SYNRG: variants seen among roughly 807,000 people sequenced by gnomAD.
SYNRG encodes AP1 gamma subunit binding protein 1.
In SYNRG, 37 loss-of-function variants were observed where a neutral mutation model predicts 130.9. The observed-to-expected ratio is 0.28, with a 90% CI of 0.22 to 0.37. The LOEUF (loss-of-function observed/expected upper bound fraction) is 0.37. Among genes scored for constraint, SYNRG ranks in the 10% least tolerant of loss-of-function variants. The pLI is 1.00. For synonymous variants in SYNRG, 539 were observed against 568.1 expected, an observed-to-expected ratio of 0.95 and a Z score of 0.73; for missense variants, 1,338 against 1,588.9, an observed-to-expected ratio of 0.84 and a Z score of 2.68.
intron 8 of SYNRG, among the ~76,000 whole-genome samples, chr17:37,575,457 TA>T (rs72368334): frequency 0.35 from 52,728 of 151,830 alleles, 9,653 homozygotes; most frequent in East Asian, 0.66. Flanking sequence ...AAATTAAAAA[TA>T]AATTTTTTTT....
chr17:37,541,259 T>TG (rs1246302015), intron 15 of SYNRG: 2 of 985,330 alleles, frequency 2.0e-6, no homozygotes, highest in East Asian at 2.3e-4. Context: ...CGACCCCTCC[T>TG]GTCAGGATGA....
At chr17:37,554,824 T>A (rs933151923) in intron 13 of SYNRG, among the ~76,000 whole-genome samples, 1 of 152,184 alleles carries the variant, frequency 6.6e-6, no homozygotes, top group African/African-American at 2.4e-5. Flanking sequence ...TTTTTATTTA[T>A]TAAAATTCAA....
chr17:37,605,162 A>G (rs1329856710), intron 1 of SYNRG, among the ~76,000 whole-genome samples: 1 of 152,220 alleles, frequency 6.6e-6, no homozygotes, highest in South Asian at 2.1e-4. Context: ...TATAAAAAAC[A>G]CTGTATCTGC....
intron 8 of SYNRG, among the ~76,000 whole-genome samples, chr17:37,574,269 A>G (rs2060644529): frequency 2.0e-5 from 3 of 152,248 alleles, no homozygotes. Context: ...AATGAATTAA[A>G]GATTTAAATC....
chr17:37,533,474 AC>A (rs1156860725), intron 19 of SYNRG, among the ~76,000 whole-genome samples: 1 of 151,876 alleles, frequency 6.6e-6, no homozygotes, highest in East Asian at 1.9e-4. Flanking sequence ...AAAAAATGGA[AC>A]CAGTAACCCT....
intron 6 of SYNRG, 121 bp downstream of exon 6, chr17:37,584,527 T>C (rs2061552254): frequency 1.3e-6 from 1 of 752,656 alleles, no homozygotes. Flanking sequence ...AATCTGTACT[T>C]AGCTTGAAGG....
chr17:37,557,288 G>A (rs1267506688), intron 13 of SYNRG: 5 of 151,978 alleles, frequency 3.3e-5, no homozygotes, highest in African/African-American at 1.2e-4. Context: ...TCTGGAGATG[G>A]AAAAAAGGAA....
At position 37,537,827 on chromosome 17, in the gene SYNRG, G is replaced by T. The variant is rs576856493; in HGVS notation, c.3517+497C>A. On this transcript the variant is annotated intron_variant, in intron 18 of 21. Transcript: ENST00000612223. ...GAGTAAAGATTTGAAAAAGATTAGG[G>T]TCCAGCATGTGTGGCTCTGGCCACG... Among the ~76,000 whole-genome samples, 405 of 152,264 alleles carry T rather than the reference G, an allele frequency of 2.7e-3. 2 individuals carry two copies. The highest frequency in any genetic ancestry group is 9.3e-3 in the African/African-American group (386 of 41,554).
intron 6 of SYNRG, chr17:37,579,280 G>A (rs917398963): frequency 1.5e-6 from 2 of 1,303,464 alleles, no homozygotes; most frequent in Admixed American, 4.6e-5. Flanking sequence ...CAAGTGGGGT[G>A]GAGGGGTGGA....
At chr17:37,530,553 C>T (rs982437314) in intron 19 of SYNRG, among the ~76,000 whole-genome samples, 22 of 152,214 alleles carry the variant, frequency 1.4e-4, no homozygotes, top group African/African-American at 5.1e-4. Flanking sequence ...GGATAATGAA[C>T]TGAATTCCAG....
At chr17:37,593,645 G>C (rs948930077) in intron 3 of SYNRG, among the ~76,000 whole-genome samples, 1 of 152,172 alleles carries the variant, frequency 6.6e-6, no homozygotes, top group African/African-American at 2.4e-5. Context: ...AGCACTTCGG[G>C]AGGCCGAGGC....
chr17:37,592,824 G>A (rs1423390086), intron 3 of SYNRG, among the ~76,000 whole-genome samples: 2 of 152,194 alleles, frequency 1.3e-5, no homozygotes, highest in African/African-American at 4.8e-5. Context: ...TGGGGAGATG[G>A]AAATGTTCTG....
intron 2 of SYNRG, among the ~76,000 whole-genome samples, chr17:37,599,392 G>C (rs1412884945): frequency 1.3e-5 from 2 of 152,196 alleles, no homozygotes; most frequent in Non-Finnish European, 2.9e-5. Context: ...GAGACCAAGA[G>C]AGAAAAGGTA....
intron 15 of SYNRG, chr17:37,541,524 G>T (rs1462743334): frequency 6.1e-6 from 1 of 164,150 alleles, no homozygotes; most frequent in Non-Finnish European, 1.3e-5. Flanking sequence ...TTTAAATACT[G>T]GCAATTACTT....
chr17:37,588,620 T>A (rs2061888533), intron 3 of SYNRG, among the ~76,000 whole-genome samples: 1 of 152,182 alleles, frequency 6.6e-6, no homozygotes, highest in Non-Finnish European at 1.5e-5. Context: ...ACACACAATA[T>A]TGGTTTATTG....
intron 19 of SYNRG, among the ~76,000 whole-genome samples, chr17:37,526,821 A>C (rs1003619581): frequency 6.6e-6 from 1 of 152,184 alleles, no homozygotes; most frequent in East Asian, 1.9e-4. Context: ...ATAATCCAGG[A>C]TACCTTCCCC....
rs1176647292 is a variant in SYNRG at position 37,581,028 on chromosome 17, T to C, written c.590-3415A>G. The stretch of plus-strand genomic sequence containing the variant: ...TATTTTCTTGTGAAAAGCATCAATA[T>C]TAGGATATCATGAAGAGCTGAATCA... On this transcript the variant is annotated intron_variant, in intron 6 of 21. Transcript: ENST00000612223. Among the ~76,000 whole-genome samples, 3 of 152,090 alleles carry C rather than the reference T, an allele frequency of 2.0e-5. No individual in the cohort carries two copies. The East Asian group carries it at 5.8e-4, about 29-fold the overall frequency.
At chr17:37,541,464 T>A (rs2057754278) in intron 15 of SYNRG, 1 of 164,238 alleles carries the variant, frequency 6.1e-6, no homozygotes, top group Non-Finnish European at 1.3e-5. Context: ...TGCCAGATAT[T>A]ATGACTTCTC....
Position 37,542,242 on chromosome 17 carries a change from T to C in SYNRG, c.2932A>G (p.Lys978Glu), listed in dbSNP as rs1423230590. The C allele has an allele frequency of 1.9e-6, 3 of 1,614,070 alleles. No homozygotes were observed. Among genetic ancestry groups the C allele is most frequent in the African/African-American group, 2.7e-5 (2 of 74,922 alleles). Residue 978 changes from lysine (K) to glutamate (E), a missense_variant, in exon 15 of 22, where the codon AAG becomes GAG. Lys to Glu is a moderately conservative substitution (Grantham distance 56). Transcript: ENST00000612223. ...TTATAGTCTCTGTTTTCATATTCCT[T>C]TTGCTCACTGGTCTGAGGAATCGTG... ...KDTIPQTSEQ[K>E]EYENRDYKDF...
Sources: allele counts gnomAD v4.1 joint callset (sites outside exome capture counted in the v4.1 genomes callset), GRCh38; gene constraint gnomAD v4.1.1; transcripts MANE v1.5; gene names NCBI Gene and HGNC (gene_info 2026-07-23, HGNC 2026-07-21).